Variants in AFAP1L2 observed in about 807,000 individuals in gnomAD.
The protein encoded by AFAP1L2 is actin filament-associated protein 1-like 2.
A neutral mutation model predicts 99.3 loss-of-function variants in AFAP1L2; 46 were observed. The ratio of observed to expected loss-of-function variants is 0.46; its 90% CI spans 0.37 to 0.59. The LOEUF (loss-of-function observed/expected upper bound fraction) is 0.59, where lower values mean the gene tolerates loss of function less well. Among genes scored for constraint, AFAP1L2 ranks in the 20% least tolerant of loss-of-function variants. The pLI is 0.00. For synonymous variants in AFAP1L2, 397 were observed against 419.1 expected (o/e 0.95, Z 0.64); for missense variants, 959 against 1,034.9 (o/e 0.93, Z 1.01).
intron 1 of AFAP1L2, among the ~76,000 whole-genome samples, chr10:114,353,443 G>A (rs958125352): frequency 6.6e-6 from 1 of 152,186 alleles, no homozygotes; most frequent in Non-Finnish European, 1.5e-5. Flanking sequence ...CTAGCACATT[G>A]TTGGACCCCA....
chr10:114,364,530 G>C (rs570203627), intron 1 of AFAP1L2, among the ~76,000 whole-genome samples: 1 of 152,212 alleles, frequency 6.6e-6, no homozygotes, highest in East Asian at 1.9e-4. Flanking sequence ...GTGTCTCCCT[G>C]TATGTCTCTG....
chr10:114,359,647 T>A (rs1357171332), intron 1 of AFAP1L2, among the ~76,000 whole-genome samples: 1 of 152,200 alleles, frequency 6.6e-6, no homozygotes, highest in Non-Finnish European at 1.5e-5. Context: ...TCCTCTGGAT[T>A]TTAGGCTTCA....
the AFAP1L2 span, chr10:114,286,201 C>T: frequency 1.9e-6 from 3 of 1,613,846 alleles, no homozygotes; most frequent in East Asian, 2.2e-5. Flanking sequence ...GTGGCCCCAC[C>T]CTGACGGGCA....
At chr10:114,316,309 A>C (rs1214674022) in intron 5 of AFAP1L2, among the ~76,000 whole-genome samples, 1 of 152,200 alleles carries the variant, frequency 6.6e-6, no homozygotes, top group Non-Finnish European at 1.5e-5. Context: ...TCAGTCCTAG[A>C]TCTGGGGAAG....
intron 1 of AFAP1L2, among the ~76,000 whole-genome samples, chr10:114,359,045 G>T (rs2051826978): frequency 6.6e-6 from 1 of 152,204 alleles, no homozygotes; most frequent in South Asian, 2.1e-4. Flanking sequence ...AGTACAAGTT[G>T]TCAGTGATCA....
chr10:114,368,123 C>T (rs1018912421), intron 1 of AFAP1L2, among the ~76,000 whole-genome samples: 5 of 152,266 alleles, frequency 3.3e-5, no homozygotes, highest in African/African-American at 9.6e-5. Context: ...GAATATTATT[C>T]GGCCTTAAAA....
chr10:114,393,330 G>A (rs2057346758), intron 1 of AFAP1L2, among the ~76,000 whole-genome samples: 1 of 152,148 alleles, frequency 6.6e-6, no homozygotes, highest in African/African-American at 2.4e-5. Context: ...AAGAAACGAG[G>A]CTGACACTGA....
At chr10:114,282,451 C>A in the AFAP1L2 span, 2 of 1,291,404 alleles carry the variant, frequency 1.5e-6, no homozygotes, top group Non-Finnish European at 2.3e-6. Flanking sequence ...TGTAAATCAT[C>A]TTCTGTTTTC....
Position 114,404,445 on chromosome 10 carries a change from T to C in AFAP1L2, c.11A>G (p.Tyr4Cys). Reference protein sequence around the residue: MERYKALEQLLTEL... With the variant: MERCKALEQLLTEL... The stretch of plus-strand genomic sequence containing the variant: ...CGAGGAACCCGCGCCCTCACCTTTG[T>C]ACCGCTCCATCGGGGCCACGGAGTG... Residue 4 changes from tyrosine to cysteine, a missense_variant, in exon 1 of 19, where the codon TAC becomes TGC. By Grantham distance (194) the Tyr-to-Cys change is radical. Around this residue, in one of 2 missense-constraint regions of AFAP1L2, gnomAD observed 383 missense variants for 472.8 expected, o/e 0.81. Transcript: ENST00000304129. The C allele has an allele frequency of 1.3e-6, 2 of 1,542,292 alleles. No homozygotes were observed. The highest frequency in any genetic ancestry group is 1.7e-6 in the Non-Finnish European group (2 of 1,145,948).
chr10:114,370,141 C>T (rs1405771051), intron 1 of AFAP1L2, among the ~76,000 whole-genome samples: 1 of 152,188 alleles, frequency 6.6e-6, no homozygotes, highest in Non-Finnish European at 1.5e-5. Flanking sequence ...TTATAATTCA[C>T]TTTAATTCTC....
At chr10:114,332,877 A>G (rs577625377) in intron 3 of AFAP1L2, among the ~76,000 whole-genome samples, 1 of 152,206 alleles carries the variant, frequency 6.6e-6, no homozygotes, top group South Asian at 2.1e-4. Context: ...ACAGACTTCT[A>G]TCAAAAGACA....
rs75920616 is a variant in AFAP1L2 at position 114,403,485 on chromosome 10, C to G, written c.16+955G>C. ...AACAAATATAGAAGCAGCATTTCCT[C>G]CCGCAGGTTTGGCGGAGACCGGTCC... is the stretch of plus-strand genomic sequence containing the variant. On this transcript the variant is annotated intron_variant, in intron 1 of 18. Transcript: ENST00000304129. Among the ~76,000 whole-genome samples, 390 of 152,276 alleles carry G rather than the reference C, an allele frequency of 2.6e-3. 3 individuals carry two copies. Among genetic ancestry groups the G allele is most frequent in the African/African-American group, 8.7e-3 (363 of 41,568 alleles).
intron 1 of AFAP1L2, among the ~76,000 whole-genome samples, chr10:114,352,580 A>G (rs1419891730): frequency 6.6e-6 from 1 of 151,510 alleles, no homozygotes; most frequent in East Asian, 1.9e-4. Context: ...GGTGAGGAGG[A>G]ATTTGGGTTA....
chr10:114,383,421 T>A (rs2055998122), intron 1 of AFAP1L2, among the ~76,000 whole-genome samples: 1 of 152,094 alleles, frequency 6.6e-6, no homozygotes, highest in African/African-American at 2.4e-5. Context: ...AAGGAGCTTT[T>A]TTATTATCGC....
At chr10:114,370,026 G>A (rs1051345450) in intron 1 of AFAP1L2, among the ~76,000 whole-genome samples, 1 of 152,126 alleles carries the variant, frequency 6.6e-6, no homozygotes, top group Non-Finnish European at 1.5e-5. Context: ...GGTGACCCCA[G>A]GCCAGCTGAT....
intron 16 of AFAP1L2, 44 bp downstream of exon 16, chr10:114,299,216 G>T: frequency 6.2e-7 from 1 of 1,609,258 alleles, no homozygotes; most frequent in Non-Finnish European, 8.5e-7. Flanking sequence ...AAGCCTACAC[G>T]GCCCTCTGAG....
At chr10:114,369,594 C>CAAA (rs34904418) in intron 1 of AFAP1L2, among the ~76,000 whole-genome samples, 12 of 74,560 alleles carry the variant, frequency 1.6e-4, no homozygotes, top group East Asian at 8.5e-4. Flanking sequence ...GACTCCGACT[C>CAAA]AAAAAAAAAA....
chr10:114,299,704 G>A (rs1200296188), intron 15 of AFAP1L2, among the ~76,000 whole-genome samples: 1 of 152,228 alleles, frequency 6.6e-6, no homozygotes, highest in African/African-American at 2.4e-5. Context: ...ATTTGAATCA[G>A]TGGACTGGGA....
At chr10:114,361,745 G>A (rs1410374875) in intron 1 of AFAP1L2, among the ~76,000 whole-genome samples, 1 of 152,136 alleles carries the variant, frequency 6.6e-6, no homozygotes, top group Non-Finnish European at 1.5e-5. Flanking sequence ...AATATGTATG[G>A]AGCACCTAAC....
Sources: allele counts gnomAD v4.1 joint callset (sites outside exome capture counted in the v4.1 genomes callset), GRCh38; gene constraint gnomAD v4.1.1; regional missense constraint gnomAD v4.1.1; transcripts MANE v1.5; gene names NCBI Gene and HGNC (gene_info 2026-07-23, HGNC 2026-07-21).